The following NDUFA7 variants were observed in gnomAD, a reference collection of about 807,000 sequenced individuals.
NDUFA7 encodes the protein NADH:ubiquinone oxidoreductase subunit A7.
A neutral mutation model predicts 14.2 loss-of-function variants in NDUFA7; 18 were observed. That is an observed-to-expected ratio of 1.27 (90% confidence interval 0.88 to 1.88). The LOEUF is 1.88. Ranked by LOEUF, NDUFA7 falls within the 40% of genes most tolerant of loss-of-function variation. The pLI is 0.00. For synonymous variants in NDUFA7, 75 were observed against 62.1 expected, an observed-to-expected ratio of 1.21 and a Z score of -0.98; for missense variants, 172 against 147.3, an observed-to-expected ratio of 1.17 and a Z score of -0.87.
At chr19:8,320,820 A>G in intron 2 of NDUFA7, 37 bp downstream of exon 2, 1 of 1,613,216 alleles carries the variant, frequency 6.2e-7, no homozygotes, top group African/African-American at 1.3e-5. Context: ...GAGAAAGGAC[A>G]GAGCCAGAGG....
intron 3 of NDUFA7, among the ~76,000 whole-genome samples, chr19:8,314,773 T>C (rs1599630443): frequency 6.6e-6 from 1 of 151,918 alleles, no homozygotes; most frequent in East Asian, 1.9e-4. Context: ...CTTAGCCAGG[T>C]GTAGTGGTGG....
At chr19:8,309,947 C>T (rs2145386753), downstream of NDUFA7, among the ~76,000 whole-genome samples, 1 of 152,328 alleles carries the variant, frequency 6.6e-6, no homozygotes, top group South Asian at 2.1e-4. Context: ...TATCCCACAG[C>T]CCCAGCATAA....
intron 2 of NDUFA7, among the ~76,000 whole-genome samples, chr19:8,317,525 T>C (rs1414379412): frequency 1.3e-5 from 2 of 151,808 alleles, no homozygotes; most frequent in African/African-American, 2.4e-5. Context: ...CAAAAAAAGC[T>C]CAAAACAAAA....
At chr19:8,314,643 G>A (rs1404939252) in intron 3 of NDUFA7, among the ~76,000 whole-genome samples, 2 of 152,202 alleles carry the variant, frequency 1.3e-5, no homozygotes, top group African/African-American at 4.8e-5. Flanking sequence ...GCCGGGCATG[G>A]TGGCTCACGC....
At chr19:8,311,238 A>G (rs1029320735), downstream of NDUFA7, 1 of 236,162 alleles carries the variant, frequency 4.2e-6, no homozygotes, top group African/African-American at 2.3e-5. Context: ...GGGAAGGTCT[A>G]AAAAATAAAA....
intron 2 of NDUFA7, 114 bp downstream of exon 2, chr19:8,320,743 G>A: frequency 7.9e-7 from 1 of 1,272,580 alleles, no homozygotes; most frequent in Non-Finnish European, 1.1e-6. Context: ...GCCTGGCAGG[G>A]GACTGGTGGC....
downstream of NDUFA7, among the ~76,000 whole-genome samples, chr19:8,310,215 A>G (rs1444097077): frequency 6.6e-6 from 1 of 152,118 alleles, no homozygotes; most frequent in Non-Finnish European, 1.5e-5. Flanking sequence ...GGATCACTTG[A>G]GGTCAGGAGT....
intron 2 of NDUFA7, among the ~76,000 whole-genome samples, chr19:8,319,849 CTTTTT>C (rs1177149748): frequency 6.6e-6 from 1 of 151,812 alleles, no homozygotes; most frequent in Admixed American, 6.6e-5. Context: ...AATGTTTTTT[CTTTTT>C]TATTTTTTTG....
rs746827277 is a variant in NDUFA7 at position 8,311,547 on chromosome 19, GGGA to G, written c.297_299del (p.Pro100del). On this transcript the variant is annotated inframe_deletion, in exon 4 of 4. Transcript: ENST00000301457. ...CCGAGGACAGCTCCCACCTCTTTATGGGAGGAGCTGGAGTCACCGCCTTCTTCT... is the reference window on the plus strand; with the variant it reads ...CCGAGGACAGCTCCCACCTCTTTATGGGAGCTGGAGTCACCGCCTTCTTCT... The G allele has an allele frequency of 1.7e-5, 27 of 1,612,462 alleles. No individual in the cohort carries two copies. The highest frequency in any genetic ancestry group is 2.3e-5 in the Non-Finnish European group (27 of 1,179,302).
chr19:8,321,038 G>C (rs945642441), intron 1 of NDUFA7, 132 bp from the exon 2 acceptor site: 2 of 1,068,566 alleles, frequency 1.9e-6, no homozygotes, highest in Non-Finnish European at 2.8e-6. Context: ...TCGGGGAAAC[G>C]GATGTGGGTC....
At chr19:8,320,964 A>C (rs1970298543) in intron 1 of NDUFA7, 58 bp from the exon 2 acceptor site, 1 of 1,595,272 alleles carries the variant, frequency 6.3e-7, no homozygotes, top group Admixed American at 1.7e-5. Context: ...AGAGGAAAGG[A>C]GAGGGCAAGG....
At chr19:8,309,250 G>T (rs560595930), downstream of NDUFA7, among the ~76,000 whole-genome samples, 1 of 152,056 alleles carries the variant, frequency 6.6e-6, no homozygotes, top group Admixed American at 6.6e-5. Context: ...CGAGGCAGGC[G>T]GATCACGAGG....
intron 1 of NDUFA7, 29 bp from the exon 2 acceptor site, chr19:8,320,935 C>T: frequency 6.2e-7 from 1 of 1,613,222 alleles, no homozygotes; most frequent in Non-Finnish European, 8.5e-7. Context: ...AGAGGTCGGC[C>T]TGCAAGGCAC....
At chr19:8,310,780 C>T (rs1970167728), downstream of NDUFA7, 1 of 152,084 alleles carries the variant, frequency 6.6e-6, no homozygotes, top group Non-Finnish European at 1.5e-5. Flanking sequence ...CACCTGTAAT[C>T]CCAACACTTT....
intron 3 of NDUFA7, among the ~76,000 whole-genome samples, chr19:8,314,990 T>C (rs544947954): frequency 1.3e-5 from 2 of 152,336 alleles, no homozygotes; most frequent in South Asian, 4.1e-4. Context: ...CCCAACCCTG[T>C]GCTCCCTGAG....
At chr19:8,311,263 G>A (rs1452154945), downstream of NDUFA7, 4 of 312,302 alleles carry the variant, frequency 1.3e-5, no homozygotes, top group Non-Finnish European at 2.4e-5. Flanking sequence ...AATCAGGCCA[G>A]GTGTGGTGGC....
At chr19:8,321,113 G>A (rs1028712768) in intron 1 of NDUFA7, 195 bp downstream of exon 1, 45 of 882,472 alleles carry the variant, frequency 5.1e-5, no homozygotes, top group Non-Finnish European at 7.3e-5. Context: ...GTCGGGGACT[G>A]GGGAAATCCC....
intron 1 of NDUFA7, 111 bp downstream of exon 1, chr19:8,321,197 T>A: frequency 7.7e-7 from 1 of 1,306,210 alleles, no homozygotes; most frequent in Non-Finnish European, 1.0e-6. Flanking sequence ...CCCAGGGAGA[T>A]TCGGGGAGAG....
chr19:8,318,903 G>A (rs558232247), intron 2 of NDUFA7, among the ~76,000 whole-genome samples: 10 of 151,090 alleles, frequency 6.6e-5, no homozygotes, highest in South Asian at 2.1e-4. Context: ...CCCGGGAGGC[G>A]GAGATTGCAG....
Sources: allele counts gnomAD v4.1 joint callset (sites outside exome capture counted in the v4.1 genomes callset), GRCh38; gene constraint gnomAD v4.1.1; transcripts MANE v1.5; gene names NCBI Gene and HGNC (gene_info 2026-07-23, HGNC 2026-07-21).